Variants in TBC1D32 observed in about 807,000 individuals in gnomAD.
The protein encoded by TBC1D32 is protein broad-minded.
A neutral mutation model predicts 170.3 loss-of-function variants in TBC1D32; 151 were observed. The ratio of observed to expected loss-of-function variants is 0.89; its 90% CI spans 0.78 to 1.01. The LOEUF (loss-of-function observed/expected upper bound fraction) is 1.01. Ranked by LOEUF, TBC1D32 falls within the 50% of genes least tolerant of loss-of-function variation. The pLI is 0.00. For missense variants in TBC1D32, 1,464 were observed against 1,457.1 expected, an observed-to-expected ratio of 1.00 and a Z score of -0.08; for synonymous variants, 498 against 488.0, an observed-to-expected ratio of 1.02 and a Z score of -0.27.
At position 121,295,324 on chromosome 6, in the gene TBC1D32, G is replaced by A. The variant is rs983700975; in HGVS notation, c.1141-664C>T. 6.9e-5 allele frequency among the ~76,000 whole-genome samples: 10 copies of A among 145,904 alleles called. No homozygotes were observed. The East Asian group carries it at 1.4e-3, about 20-fold the overall frequency. On this transcript the variant is annotated intron_variant, in intron 10 of 31. Transcript: ENST00000398212. ...AAAAAAAAAGCCACCAGTGATATAC[G>A]GTGTGATAATTATTAAATCTGGTAA...
At chr6:121,206,682 G>A (rs538523296) in intron 21 of TBC1D32, among the ~76,000 whole-genome samples, 1 of 152,290 alleles carries the variant, frequency 6.6e-6, no homozygotes, top group Admixed American at 6.5e-5. Flanking sequence ...TTTTGTAGAA[G>A]TGTGTAAATA....
intron 22 of TBC1D32, among the ~76,000 whole-genome samples, chr6:121,179,207 C>T (rs373440868): frequency 2.6e-5 from 4 of 151,490 alleles, no homozygotes; most frequent in Non-Finnish European, 5.9e-5. Flanking sequence ...TATACACACA[C>T]ACACTAAATA....
At chr6:121,117,339 G>T (rs1234418168) in intron 26 of TBC1D32, among the ~76,000 whole-genome samples, 1 of 152,112 alleles carries the variant, frequency 6.6e-6, no homozygotes, top group Non-Finnish European at 1.5e-5. Context: ...ATAAAAATAT[G>T]CAAGGAATAA....
At chr6:121,120,084 T>G (rs990180113) in intron 26 of TBC1D32, among the ~76,000 whole-genome samples, 2 of 152,064 alleles carry the variant, frequency 1.3e-5, no homozygotes, top group African/African-American at 4.8e-5. Context: ...ACCTAAAGCC[T>G]TGGGAAGAAA....
chr6:121,128,048 G>A (rs888064295), intron 25 of TBC1D32, among the ~76,000 whole-genome samples: 2 of 152,114 alleles, frequency 1.3e-5, no homozygotes, highest in African/African-American at 2.4e-5. Flanking sequence ...AACTTCATAC[G>A]TAGCAAGCCA....
At position 121,080,880 on chromosome 6, in the gene TBC1D32, A is replaced by G. The variant is rs1385569598; in HGVS notation, c.3665T>C (p.Leu1222Pro). ...DLQVFLKEEA[L>P]HGFRVSDYFE... ...ATAATCACTCACTCGAAACCCATGC[A>G]GTGCTTCTTCCTGCCAAAAATTACA... Residue 1222 changes from leucine (L) to proline (P), a missense_variant, in exon 32 of 32, where the codon CTG becomes CCG. This residue lies in a region of TBC1D32 where 97 missense variants were observed against 102.0 expected (regional missense o/e 0.95). Transcript: ENST00000398212. 2 of 1,610,046 alleles carry G rather than the reference A, an allele frequency of 1.2e-6. No individual in the cohort carries two copies. The highest frequency in any genetic ancestry group is 1.7e-6 in the Non-Finnish European group (2 of 1,178,988).
chr6:121,239,961 A>G (rs979545843), intron 19 of TBC1D32, among the ~76,000 whole-genome samples: 1 of 152,164 alleles, frequency 6.6e-6, no homozygotes, highest in African/African-American at 2.4e-5. Context: ...TTAAATTCCA[A>G]ATATGCCAGT....
At chr6:121,325,822 C>G (rs1810387601) in intron 1 of TBC1D32, among the ~76,000 whole-genome samples, 1 of 152,042 alleles carries the variant, frequency 6.6e-6, no homozygotes, top group Non-Finnish European at 1.5e-5. Context: ...GAAACTATCA[C>G]CAGAATGAAC....
intron 29 of TBC1D32, 87 bp downstream of exon 29, chr6:121,112,418 T>A: frequency 8.1e-7 from 1 of 1,233,364 alleles, no homozygotes; most frequent in Non-Finnish European, 1.1e-6. Context: ...TACAAAGTCC[T>A]TCACAAATAA....
chr6:121,322,974 A>G (rs1251253395), intron 1 of TBC1D32, among the ~76,000 whole-genome samples: 2 of 151,978 alleles, frequency 1.3e-5, no homozygotes, highest in Non-Finnish European at 2.9e-5. Flanking sequence ...TAATTCGCCT[A>G]TAAGAAAAAG....
At chr6:121,099,488 T>C (rs1777772633) in intron 30 of TBC1D32, among the ~76,000 whole-genome samples, 2 of 151,944 alleles carry the variant, frequency 1.3e-5, no homozygotes, top group South Asian at 4.1e-4. Flanking sequence ...TTTAGAGATC[T>C]GTGTATTTCA....
intron 22 of TBC1D32, among the ~76,000 whole-genome samples, chr6:121,184,267 G>A (rs1429011545): frequency 6.6e-6 from 1 of 151,906 alleles, no homozygotes; most frequent in African/African-American, 2.4e-5. Context: ...AATATTAACT[G>A]GACTTAGGTG....
chr6:121,171,128 C>A (rs1786921936), intron 22 of TBC1D32, among the ~76,000 whole-genome samples: 1 of 151,892 alleles, frequency 6.6e-6, no homozygotes, highest in South Asian at 2.1e-4. Context: ...TCAATCTAAT[C>A]AATCCTATAC....
At chr6:121,290,012 A>G (rs1804574767) in intron 12 of TBC1D32, among the ~76,000 whole-genome samples, 1 of 152,198 alleles carries the variant, frequency 6.6e-6, no homozygotes, top group African/African-American at 2.4e-5. Context: ...GGTGGATTAA[A>G]GACTTAAATA....
At chr6:121,133,509 T>C (rs1781673583) in intron 24 of TBC1D32, among the ~76,000 whole-genome samples, 1 of 152,006 alleles carries the variant, frequency 6.6e-6, no homozygotes, top group Non-Finnish European at 1.5e-5. Flanking sequence ...AGGTATGTCA[T>C]TCCTGTGATG....
chr6:121,183,119 T>C (rs567980235), intron 22 of TBC1D32, among the ~76,000 whole-genome samples: 2 of 151,992 alleles, frequency 1.3e-5, no homozygotes, highest in South Asian at 2.1e-4. Context: ...GTTAGAAAAA[T>C]AGACTAATTC....
chr6:121,333,237 A>T (rs1811429609), intron 1 of TBC1D32, among the ~76,000 whole-genome samples: 1 of 152,198 alleles, frequency 6.6e-6, no homozygotes, highest in African/African-American at 2.4e-5. Context: ...AAACATTAGT[A>T]ATAATAATGA....
chr6:121,090,330 A>C (rs945214820), intron 31 of TBC1D32, among the ~76,000 whole-genome samples: 2 of 152,180 alleles, frequency 1.3e-5, no homozygotes, highest in African/African-American at 4.8e-5. Context: ...AAAGTCCCCA[A>C]CTTCCAAAAT....
chr6:121,206,745 A>C, intron 21 of TBC1D32, among the ~76,000 whole-genome samples: 1 of 152,306 alleles, frequency 6.6e-6, no homozygotes, highest in Non-Finnish European at 1.5e-5. Flanking sequence ...CCTAGTAATG[A>C]TGAATAAAAA....
Sources: allele counts gnomAD v4.1 joint callset (sites outside exome capture counted in the v4.1 genomes callset), GRCh38; gene constraint gnomAD v4.1.1; regional missense constraint gnomAD v4.1.1; transcripts MANE v1.5; gene names NCBI Gene and HGNC (gene_info 2026-07-23, HGNC 2026-07-21).